STAB2: variants seen among roughly 807,000 people sequenced by gnomAD.
STAB2 encodes stabilin 2, also known as stabilin-2.
Under a neutral mutation model 338.1 loss-of-function variants are expected in STAB2, and 288 were observed. That is an observed-to-expected ratio of 0.85 (90% CI 0.77 to 0.94). The LOEUF (loss-of-function observed/expected upper bound fraction) is 0.94, where lower values mean the gene tolerates loss of function less well. STAB2 is among the 40% of genes least tolerant of loss of function. The pLI, the probability that STAB2 is intolerant of heterozygous loss-of-function variation, is 0.00. For synonymous variants in STAB2, 1,202 were observed against 1,193.3 expected (o/e 1.01, Z -0.15); for missense variants, 3,141 against 3,210.1 (o/e 0.98, Z 0.52).
chr12:103,650,386 A>T, intron 10 of STAB2, 110 bp from the exon 11 acceptor site: 1 of 775,296 alleles, frequency 1.3e-6, no homozygotes, highest in Non-Finnish European at 2.2e-6. Context: ...TAGAATAGAG[A>T]AGGGCATAAA....
intron 23 of STAB2, among the ~76,000 whole-genome samples, chr12:103,674,706 C>T (rs1289119766): frequency 6.6e-6 from 1 of 152,152 alleles, no homozygotes; most frequent in Non-Finnish European, 1.5e-5. Flanking sequence ...CTGGAAATAC[C>T]TAGCTCCAAG....
At chr12:103,732,264 G>T (rs964546703) in intron 50 of STAB2, among the ~76,000 whole-genome samples, 1 of 152,070 alleles carries the variant, frequency 6.6e-6, no homozygotes, top group African/African-American at 2.4e-5. Context: ...AGCTGAGATC[G>T]CACCACTGCA....
chr12:103,648,956 G>C (rs1873536098), intron 10 of STAB2, 133 bp downstream of exon 10: 2 of 1,276,068 alleles, frequency 1.6e-6, no homozygotes, highest in Non-Finnish European at 2.1e-6. Flanking sequence ...GGGTCATGCA[G>C]GTGAGAGGGA....
chr12:103,699,132 G>A lies in STAB2; in HGVS notation c.3619G>A (p.Glu1207Lys), dbSNP rs751339383. Residue 1207 changes from glutamate (E) to lysine (K), a missense_variant, in exon 34 of 69, where the codon GAG becomes AAG. Physicochemically the swap from Glu to Lys is moderately conservative, Grantham distance 56. Coordinates refer to ENST00000388887, the MANE Select transcript of STAB2 (RefSeq NM_017564.10). ...CCTCCGGTATCATGTGGTCCTGGAG[G>A]AGAAACTCCTGAAGAATGACCTGCA... is the stretch of plus-strand genomic sequence containing the variant. ...DVLRYHVVLE[E>K]KLLKNDLHNG... 18 of 1,612,474 alleles carry A rather than the reference G, an allele frequency of 1.1e-5. 1 individual carries two copies. In the Admixed American group the frequency reaches 3.0e-4, roughly 27 times the overall value.
Position 103,740,659 on chromosome 12 carries a change from G to A in STAB2, c.5784G>A (p.Leu1928=). The change falls in exon 55 of 69, where the codon CTG becomes CTA. Residue 1928 remains leucine, a synonymous_variant. Transcript: ENST00000388887. The stretch of plus-strand genomic sequence containing the variant: ...TGAAGCAGAAGTGTCTCTACAACCT[G>A]CCCTTCAAGAGGAACCTGGAAGGCT... ...KGVKQKCLYN[L]PFKRNLEGCR... 1 of 1,612,130 alleles carries A rather than the reference G, an allele frequency of 6.2e-7. No homozygotes were observed. The highest frequency in any genetic ancestry group is 8.5e-7 in the Non-Finnish European group (1 of 1,179,290).
chr12:103,638,086 C>T lies in STAB2; in HGVS notation c.780C>T (p.His260=), dbSNP rs772019931. Reference sequence around the variant, plus strand: ...GTACGTACCTGGGACCAAATCGGCACAGTTGTACATGCCAAGAAGGCTACC... The same window carrying T: ...GTACGTACCTGGGACCAAATCGGCATAGTTGTACATGCCAAGAAGGCTACC... The part of the protein sequence containing the change: ...AHCTYLGPNR[H]SCTCQEGYRG... Residue 260 remains histidine (H), a synonymous_variant, in exon 8 of 69, where the codon CAC becomes CAT. Transcript: ENST00000388887. 4 of 1,614,088 alleles carry T rather than the reference C, an allele frequency of 2.5e-6. No individual in the cohort carries two copies. The highest frequency in any genetic ancestry group is 1.7e-5 in the Admixed American group (1 of 60,006).
rs138821217 is a variant in STAB2, at chr12:103,632,074, G to A, written c.583+381G>A. On this transcript the variant is annotated intron_variant, in intron 6 of 68. Transcript: ENST00000388887. ...CTTCTCAATTATGAGCCTCAAAGGC[G>A]GAACACATTAACAGCCCTAAGGAAG... 4.4e-3 allele frequency among the ~76,000 whole-genome samples: 665 copies of A among 152,176 alleles called. 7 individuals are homozygous for A. Among genetic ancestry groups the A allele is most frequent in the African/African-American group, 0.015 (632 of 41,492 alleles).
Position 103,689,713 on chromosome 12 carries a change from G to A in STAB2, c.3046-133G>A, listed in dbSNP as rs148246539. The A allele has an allele frequency of 4.1e-4, 451 of 1,102,542 alleles. 2 individuals are homozygous for A. In the African/African-American group the frequency reaches 6.5e-3, roughly 16 times the overall value. The allele number at this position is 1,102,542 out of a possible 1,614,324, so 68.3% of individuals were successfully genotyped here. ...AATGAGGCAACAGCCAGTGGGTGGG[G>A]TGGATTTGGGAAAGGAGACCCTAGG... is the stretch of plus-strand genomic sequence containing the variant. On this transcript the variant is annotated intron_variant, in intron 28 of 68. Coordinates refer to ENST00000388887, the MANE Select transcript of STAB2 (RefSeq NM_017564.10).
chr12:103,739,839 C>T (rs1297764688), intron 54 of STAB2, among the ~76,000 whole-genome samples: 1 of 152,148 alleles, frequency 6.6e-6, no homozygotes, highest in Non-Finnish European at 1.5e-5. Context: ...TTATAATACT[C>T]ATAGGAAGCT....
At chr12:103,721,657 G>A (rs1031096747) in intron 44 of STAB2, among the ~76,000 whole-genome samples, 12 of 152,190 alleles carry the variant, frequency 7.9e-5, no homozygotes, top group African/African-American at 2.9e-4. Context: ...AAAGACCAGG[G>A]TGGTATGACT....
intron 8 of STAB2, among the ~76,000 whole-genome samples, chr12:103,639,166 G>A (rs567887077): frequency 1.1e-4 from 16 of 152,296 alleles, no homozygotes; most frequent in African/African-American, 3.6e-4. Context: ...TCGCATGTGA[G>A]ATAAAAGATA....
At chr12:103,720,753 A>C (rs1171089295) in intron 44 of STAB2, among the ~76,000 whole-genome samples, 2 of 152,194 alleles carry the variant, frequency 1.3e-5, no homozygotes, top group East Asian at 3.8e-4. Context: ...AGGATACCTG[A>C]GACTGGGTAG....
At position 103,753,243 on chromosome 12, in the gene STAB2, C is replaced by G. The variant is rs779787370; in HGVS notation, c.6604C>G (p.Leu2202Val). The G allele has an allele frequency of 4.3e-6, 7 of 1,614,100 alleles. No homozygotes were observed. The highest frequency in any genetic ancestry group is 8.5e-7 in the Non-Finnish European group (1 of 1,180,040). Residue 2202 changes from leucine (L) to valine (V), a missense_variant, in exon 61 of 69, where the codon CTA becomes GTA. Leu to Val is a conservative substitution (Grantham distance 32). Coordinates refer to ENST00000388887, the MANE Select transcript of STAB2 (RefSeq NM_017564.10). The stretch of plus-strand genomic sequence containing the variant: ...AGATACCACTGTTGGGGTGTTCCAT[C>G]TACGCTCCCCACTGGGCCAGTATAA... ...FQDTTVGVFH[L>V]RSPLGQYKLT...
intron 5 of STAB2, among the ~76,000 whole-genome samples, chr12:103,626,906 T>C (rs1957389341): frequency 6.6e-6 from 1 of 152,220 alleles, no homozygotes; most frequent in Admixed American, 6.5e-5. Flanking sequence ...GCCTGCTCAG[T>C]GCCTCCTTCC....
At chr12:103,744,670 T>C (rs1042315650) in intron 56 of STAB2, among the ~76,000 whole-genome samples, 1 of 150,138 alleles carries the variant, frequency 6.7e-6, no homozygotes, top group Non-Finnish European at 1.5e-5. Flanking sequence ...GATACGGGGT[T>C]GCACCATGTT....
At chr12:103,725,227 A>C in intron 45 of STAB2, 133 bp downstream of exon 45, 1 of 1,395,338 alleles carries the variant, frequency 7.2e-7, no homozygotes. Context: ...ATTTTACATA[A>C]ATCAGCAATG....
In STAB2 at chr12:103,654,798, G is replaced by A. The variant is rs117460074; in HGVS notation, c.1551+100G>A. ...TGCCAGCACTCTGTGCTTGTGCTTC[G>A]TTTGTGCTAGGATCCCGAGCAGAGA... On this transcript the variant is annotated intron_variant, in intron 13 of 68. Transcript: ENST00000388887. 4.4e-3 allele frequency: 6,272 copies of A among 1,424,868 alleles called. 26 individuals are homozygous for A. Among genetic ancestry groups the A allele is most frequent in the South Asian group, 8.2e-3 (545 of 66,196 alleles). The allele number at this position is 1,424,868 out of a possible 1,614,324, so 88.3% of individuals were successfully genotyped here.
In STAB2 at chr12:103,622,175, T is replaced by C. The variant is rs1184386907; in HGVS notation, c.487+64T>C. On this transcript the variant is annotated intron_variant, in intron 5 of 68. Coordinates refer to ENST00000388887, the MANE Select transcript of STAB2 (RefSeq NM_017564.10). ...GTTGACAGTCCATGAGAAAGATTGC[T>C]CCTTGAGGAGAAAACACTGAATAGT... 13 of 1,542,882 alleles carry C rather than the reference T, an allele frequency of 8.4e-6. No individual in the cohort carries two copies. In the East Asian group the frequency reaches 1.3e-4, roughly 16 times the overall value.
intron 63 of STAB2, chr12:103,757,835 G>A: frequency 6.7e-6 from 2 of 300,412 alleles, no homozygotes; most frequent in Non-Finnish European, 1.3e-5. Flanking sequence ...GAGCTGTTAT[G>A]AAGACTTGGA....
Sources: gnomAD v4.1 joint callset for allele counts (sites outside exome capture counted in the v4.1 genomes callset) on GRCh38, gnomAD v4.1.1 for gene constraint, MANE v1.5 for transcripts, NCBI Gene and HGNC (gene_info 2026-07-23, HGNC 2026-07-21) for gene names.